Variants in RBFOX1 observed in about 807,000 individuals in gnomAD.
RBFOX1 encodes the protein RNA binding protein fox-1 homolog 1.
RBFOX1 carries 8 observed loss-of-function variants against 57.7 expected under a neutral mutation model. The observed-to-expected ratio is 0.14, with a 90% confidence interval of 0.08 to 0.25. The LOEUF (loss-of-function observed/expected upper bound fraction) is 0.25. RBFOX1 is among the 10% of genes least tolerant of loss of function. RBFOX1 has a pLI of 1.00. For missense variants in RBFOX1, 611 were observed against 548.5 expected (o/e 1.11, Z -1.14); for synonymous variants, 326 against 222.4 (o/e 1.47, Z -4.15).
intron 3 of RBFOX1, among the ~76,000 whole-genome samples, chr16:5,763,367 C>T (rs775861644): frequency 2.6e-5 from 4 of 152,166 alleles, no homozygotes; most frequent in African/African-American, 9.7e-5. Flanking sequence ...GGGGGTGACT[C>T]GCTCCCAGCT....
At chr16:7,042,198 A>G (rs1415857020) in intron 3 of RBFOX1, among the ~76,000 whole-genome samples, 1 of 152,220 alleles carries the variant, frequency 6.6e-6, no homozygotes, top group African/African-American at 2.4e-5. Flanking sequence ...CTTGTTTTAG[A>G]GAAACACAAG....
chr16:5,737,440 C>T (rs984766094), intron 3 of RBFOX1, among the ~76,000 whole-genome samples: 1 of 151,834 alleles, frequency 6.6e-6, no homozygotes, highest in Non-Finnish European at 1.5e-5. Context: ...GAGTCGAGAT[C>T]ATGCTGCTAC....
chr16:7,174,801 C>G (rs2081340099), intron 4 of RBFOX1, among the ~76,000 whole-genome samples: 1 of 152,110 alleles, frequency 6.6e-6, no homozygotes, highest in Non-Finnish European at 1.5e-5. Context: ...ACAAACAAAA[C>G]AAACAAACCA....
rs1473401958 is a variant in RBFOX1 at position 6,551,233 on chromosome 16, C to T, written c.-63-103370C>T. Among the ~76,000 whole-genome samples the T allele has an allele frequency of 2.6e-5, 4 of 152,180 alleles. No individual in the cohort carries two copies. In the South Asian group the frequency reaches 8.3e-4, roughly 31 times the overall value. On this transcript the variant is annotated intron_variant, in intron 2 of 15. Transcript: ENST00000550418. The stretch of plus-strand genomic sequence containing the variant: ...TTCAGCAAATGTTGTGTAGCATCAG[C>T]TATGTGTTGGACACATGTAATGAGT...
chr16:5,907,025 C>T (rs998421914), intron 4 of RBFOX1, among the ~76,000 whole-genome samples: 4 of 152,108 alleles, frequency 2.6e-5, no homozygotes, highest in African/African-American at 9.7e-5. Flanking sequence ...GCATGAGCCA[C>T]TGTGCCCGGC....
chr16:6,375,702 C>T (rs181798121), intron 2 of RBFOX1, among the ~76,000 whole-genome samples: 13 of 152,208 alleles, frequency 8.5e-5, no homozygotes, highest in East Asian at 1.9e-4. Context: ...CACAGCGGAC[C>T]GTTGATTAAC....
intron 3 of RBFOX1, among the ~76,000 whole-genome samples, chr16:6,811,040 G>C (rs1468113559): frequency 6.6e-6 from 1 of 152,170 alleles, no homozygotes; most frequent in Non-Finnish European, 1.5e-5. Flanking sequence ...AAAAACTGAT[G>C]ATGATAAGAT....
Position 6,997,943 on chromosome 16 carries a change from T to C in RBFOX1, c.-15-54114T>C, listed in dbSNP as rs556068774. On this transcript the variant is annotated intron_variant, in intron 3 of 15. Transcript: ENST00000550418. ...GTTAAAAGAATTCTCATGTCTATTT[T>C]AATATTATATTTCGTAATCATTTAA... Among the ~76,000 whole-genome samples, 13 of 152,182 alleles carry C rather than the reference T, an allele frequency of 8.5e-5. No homozygotes were observed. The South Asian group carries it at 2.5e-3, about 29-fold the overall frequency.
In RBFOX1 at chr16:7,564,114, G is replaced by A. The variant is rs114433222; in HGVS notation, c.271-15663G>A. Among the ~76,000 whole-genome samples the A allele has an allele frequency of 2.8e-3, 431 of 152,254 alleles. 6 individuals are homozygous for A. The South Asian group carries it at 0.048, about 17-fold the overall frequency. ...AAGCTGTAACCACCAAAGGGATGGT[G>A]TTTGGAAATGGGGACTTTGGAAGGT... On this transcript the variant is annotated intron_variant, in intron 5 of 15. Transcript: ENST00000550418.
intron 4 of RBFOX1, among the ~76,000 whole-genome samples, chr16:7,217,134 T>C (rs139283673): frequency 0.02 from 2,940 of 148,834 alleles, 46 homozygotes; most frequent in Middle Eastern, 0.066. Flanking sequence ...TTTGACAGTC[T>C]TGCTCTGTCG....
chr16:7,175,320 C>G (rs1026171652), intron 4 of RBFOX1, among the ~76,000 whole-genome samples: 6 of 152,064 alleles, frequency 3.9e-5, no homozygotes, highest in African/African-American at 1.4e-4. Flanking sequence ...ATGAAATAAC[C>G]TTCTTCGCCT....
chr16:7,092,208 T>C (rs1044857400), intron 4 of RBFOX1, among the ~76,000 whole-genome samples: 1 of 152,224 alleles, frequency 6.6e-6, no homozygotes, highest in African/African-American at 2.4e-5. Flanking sequence ...ACTGTTTTAT[T>C]AGTAGGGTTT....
intron 1 of RBFOX1, among the ~76,000 whole-genome samples, chr16:6,254,989 A>G (rs2097651358): frequency 6.6e-6 from 1 of 151,526 alleles, no homozygotes. Flanking sequence ...GCCTTTTTTC[A>G]GTCAGTGCTT....
intron 4 of RBFOX1, among the ~76,000 whole-genome samples, chr16:7,410,928 A>G (rs1014553385): frequency 1.3e-5 from 2 of 151,464 alleles, no homozygotes; most frequent in African/African-American, 4.9e-5. Context: ...TCACCTAGTA[A>G]TCAACTTGAA....
intron 1 of RBFOX1, among the ~76,000 whole-genome samples, chr16:6,252,490 C>G (rs1267592978): frequency 6.6e-6 from 1 of 152,136 alleles, no homozygotes; most frequent in Non-Finnish European, 1.5e-5. Flanking sequence ...GTGTGGAGAT[C>G]TGTTCAGTTC....
At chr16:7,526,342 C>G (rs767606585) in intron 5 of RBFOX1, among the ~76,000 whole-genome samples, 12 of 152,142 alleles carry the variant, frequency 7.9e-5, no homozygotes, top group South Asian at 2.1e-4. Context: ...CGTGGCTGCC[C>G]TCTAGCTTAG....
chr16:5,538,964 G>A (rs545630983), intron 2 of RBFOX1, among the ~76,000 whole-genome samples: 9 of 152,232 alleles, frequency 5.9e-5, no homozygotes, highest in South Asian at 2.1e-4. Flanking sequence ...AAAGCCAATC[G>A]TGTGAAACCC....
At chr16:5,436,254 T>C (rs2067915126) in intron 1 of RBFOX1, among the ~76,000 whole-genome samples, 1 of 152,198 alleles carries the variant, frequency 6.6e-6, no homozygotes, top group South Asian at 2.1e-4. Flanking sequence ...TTCCTTTTCT[T>C]CAACAGTGAC....
chr16:5,974,297 A>C (rs778720163), intron 4 of RBFOX1, among the ~76,000 whole-genome samples: 3 of 152,184 alleles, frequency 2.0e-5, no homozygotes, highest in Non-Finnish European at 2.9e-5. Context: ...CTCATCAAAG[A>C]GAGAAACATA....
Sources: gnomAD v4.1 joint callset for allele counts (sites outside exome capture counted in the v4.1 genomes callset) on GRCh38, gnomAD v4.1.1 for gene constraint, MANE v1.5 for transcripts, NCBI Gene and HGNC (gene_info 2026-07-23, HGNC 2026-07-21) for gene names.